DST: variants seen among roughly 807,000 people sequenced by gnomAD.
The protein encoded by DST is dystonin.
A neutral mutation model predicts 875.2 loss-of-function variants in DST; 253 were observed. The observed-to-expected ratio is 0.29, with a 90% CI of 0.26 to 0.32. The LOEUF (loss-of-function observed/expected upper bound fraction) is 0.32. DST is among the 10% of genes least tolerant of loss of function. DST has a pLI of 1.00. For missense variants in DST, 8,287 were observed against 9,111.6 expected, an observed-to-expected ratio of 0.91 and a Z score of 3.68; for synonymous variants, 3,124 against 3,197.1, an observed-to-expected ratio of 0.98 and a Z score of 0.77.
In DST at chr6:56,604,582, T is replaced by C. The variant is rs1429394723; in HGVS notation, c.10046A>G (p.Gln3349Arg). ...EKEVQIPELS[Q>R]VFVEDVKDIL... ...ATCCTTTACATCCTCCACAAATACC[T>C]GAGACAATTCAGGAATCTGAACCTC... Residue 3349 changes from glutamine (Q) to arginine (R), a missense_variant, in exon 40 of 104, where the codon CAG becomes CGG. By Grantham distance (43) the Gln-to-Arg change is conservative. Transcript: ENST00000680361. The C allele has an allele frequency of 2.5e-6, 4 of 1,611,744 alleles. No homozygotes were observed. The African/African-American group carries it at 5.4e-5, about 22-fold the overall frequency.
At chr6:56,771,807 T>C (rs1045338855) in intron 4 of DST, among the ~76,000 whole-genome samples, 2 of 152,184 alleles carry the variant, frequency 1.3e-5, no homozygotes, top group Non-Finnish European at 2.9e-5. Context: ...AATGCACATA[T>C]ACATGTATAC....
chr6:56,558,015 T>C (rs1425273951), intron 58 of DST, among the ~76,000 whole-genome samples: 2 of 152,158 alleles, frequency 1.3e-5, no homozygotes, highest in Non-Finnish European at 2.9e-5. Context: ...AAACTCAACA[T>C]TAAAAAATAA....
intron 49 of DST, among the ~76,000 whole-genome samples, chr6:56,580,440 C>T (rs1410619619): frequency 6.6e-6 from 1 of 151,914 alleles, no homozygotes; most frequent in African/African-American, 2.4e-5. Context: ...GTCTCAATTA[C>T]TCAGGAGCTG....
At chr6:56,651,291 T>A in intron 10 of DST, 47 bp from the exon 11 acceptor site, 1 of 1,145,402 alleles carries the variant, frequency 8.7e-7, no homozygotes, top group Non-Finnish European at 1.3e-6. Context: ...ATGTGCCAAT[T>A]CAACATTATA....
intron 17 of DST, 103 bp downstream of exon 17, chr6:56,641,844 G>A (rs1339663758): frequency 4.3e-6 from 4 of 932,664 alleles, no homozygotes; most frequent in Non-Finnish European, 6.1e-6. Context: ...AAACAGCAAA[G>A]AAATATATTT....
Position 56,620,357 on chromosome 6 carries a change from G to C in DST, c.4929+4173C>G, listed in dbSNP as rs1221133763. The C allele has an allele frequency of 6.2e-7, 1 of 1,614,076 alleles. No homozygotes were observed. Among genetic ancestry groups the C allele is most frequent in the Non-Finnish European group, 8.5e-7 (1 of 1,180,028 alleles). ...GTTCTCTTCCACGGCAGCTCTTTTAGCCTCGGCCTCTATGGTGAGCTGCCT... is the reference window on the plus strand; with the variant it reads ...GTTCTCTTCCACGGCAGCTCTTTTACCCTCGGCCTCTATGGTGAGCTGCCT... On this transcript the variant is annotated intron_variant, in intron 36 of 103. Transcript: ENST00000680361.
chr6:56,702,503 G>C (rs1054291908), intron 7 of DST, among the ~76,000 whole-genome samples: 3 of 151,968 alleles, frequency 2.0e-5, no homozygotes, highest in African/African-American at 7.2e-5. Flanking sequence ...GGTTTACTTA[G>C]CCATGATAGA....
intron 4 of DST, among the ~76,000 whole-genome samples, chr6:56,800,024 A>G (rs2099744909): frequency 3.9e-5 from 6 of 152,352 alleles, no homozygotes; most frequent in African/African-American, 1.2e-4. Flanking sequence ...TAACTTTTAT[A>G]TGCACCAAGA....
chr6:56,507,257 CAA>C (rs1361098412), intron 75 of DST, among the ~76,000 whole-genome samples: 1 of 152,134 alleles, frequency 6.6e-6, no homozygotes, highest in Non-Finnish European at 1.5e-5. Flanking sequence ...CTGTAAGGTA[CAA>C]AGATACCACA....
intron 3 of DST, among the ~76,000 whole-genome samples, chr6:56,866,775 A>G (rs1774342213): frequency 6.6e-6 from 1 of 152,150 alleles, no homozygotes; most frequent in Non-Finnish European, 1.5e-5. Context: ...CTGTGTCCCC[A>G]GTTCCTAGCA....
chr6:56,915,615 G>A (rs922504734), intron 2 of DST, among the ~76,000 whole-genome samples: 18 of 93,046 alleles, frequency 1.9e-4, no homozygotes, highest in African/African-American at 7.1e-4. Context: ...GGAAAAAAAC[G>A]TGCTAATTTG....
At chr6:56,582,329 G>A (rs777839180) in intron 49 of DST, among the ~76,000 whole-genome samples, 38 of 152,122 alleles carry the variant, frequency 2.5e-4, no homozygotes, top group Non-Finnish European at 4.6e-4. Context: ...TGCTGTCCTC[G>A]ACAGTGAGTG....
chr6:56,476,107 T>G, intron 92 of DST, 42 bp downstream of exon 92: 244 of 1,468,784 alleles, frequency 1.7e-4, no homozygotes, highest in Middle Eastern at 4.1e-4. Context: ...AGAAAATATC[T>G]GAGATAATGG....
intron 29 of DST, 103 bp from the exon 30 acceptor site, chr6:56,631,492 CT>C: frequency 1.1e-6 from 1 of 904,054 alleles, no homozygotes; most frequent in Non-Finnish European, 1.7e-6. Context: ...GAACCAATGA[CT>C]TAGAAATCTA....
At chr6:56,631,456 G>C in intron 29 of DST, 67 bp from the exon 30 acceptor site, 1 of 1,296,846 alleles carries the variant, frequency 7.7e-7, no homozygotes, top group Non-Finnish European at 1.1e-6. Flanking sequence ...TCTTAAACTA[G>C]TTGAAAAACA....
At chr6:56,753,199 T>C (rs1247090479) in intron 4 of DST, among the ~76,000 whole-genome samples, 1 of 152,162 alleles carries the variant, frequency 6.6e-6, no homozygotes. Context: ...AGAGTGGATA[T>C]GGTATGCAAT....
At chr6:56,569,560 T>TA (rs1253207770) in intron 54 of DST, among the ~76,000 whole-genome samples, 1 of 152,216 alleles carries the variant, frequency 6.6e-6, no homozygotes, top group Admixed American at 6.5e-5. Flanking sequence ...AGAAGTGGTA[T>TA]AAAAAATTAC....
chr6:56,916,776 TCTCACACA>T (rs1446729665), intron 2 of DST, among the ~76,000 whole-genome samples: 1 of 71,934 alleles, frequency 1.4e-5, no homozygotes. Context: ...TCTCTCTCTC[TCTCACACA>T]CACACACACA....
intron 10 of DST, among the ~76,000 whole-genome samples, chr6:56,665,142 TAA>T (rs2099065851): frequency 1.3e-5 from 2 of 152,210 alleles, no homozygotes; most frequent in Admixed American, 6.5e-5. Context: ...CTAAAAATCT[TAA>T]GTTCTTTCAT....
Sources: allele counts gnomAD v4.1 joint callset (sites outside exome capture counted in the v4.1 genomes callset), GRCh38; gene constraint gnomAD v4.1.1; transcripts MANE v1.5; gene names NCBI Gene and HGNC (gene_info 2026-07-23, HGNC 2026-07-21).